The following ARHGAP17 variants were observed in gnomAD, a reference collection of about 807,000 sequenced individuals.
ARHGAP17 encodes rho GTPase-activating protein 17.
Under a neutral mutation model 99.5 loss-of-function variants are expected in ARHGAP17, and 57 were observed. The observed-to-expected ratio is 0.57, with a 90% confidence interval of 0.46 to 0.71. The LOEUF is 0.71. ARHGAP17 is among the 30% of genes least tolerant of loss of function. The pLI is 0.00. For synonymous variants in ARHGAP17, 417 were observed against 429.6 expected, an observed-to-expected ratio of 0.97 and a Z score of 0.36; for missense variants, 1,000 against 1,122.4, an observed-to-expected ratio of 0.89 and a Z score of 1.56.
chr16:24,951,180 C>T (rs1038994390), intron 12 of ARHGAP17, among the ~76,000 whole-genome samples: 4 of 152,204 alleles, frequency 2.6e-5, no homozygotes, highest in African/African-American at 7.2e-5. Flanking sequence ...TGTTCCTAGA[C>T]AGACTGAAGC....
chr16:24,998,157 C>G (rs969125529), intron 1 of ARHGAP17, among the ~76,000 whole-genome samples: 1 of 151,882 alleles, frequency 6.6e-6, no homozygotes. Flanking sequence ...GCAAACTGGG[C>G]CCCGGGCACA....
At chr16:24,946,584 G>C (rs2141211121) in intron 14 of ARHGAP17, among the ~76,000 whole-genome samples, 1 of 151,850 alleles carries the variant, frequency 6.6e-6, no homozygotes, top group Middle Eastern at 3.4e-3. Flanking sequence ...AAAGACACTT[G>C]AAAACCATCA....
intron 9 of ARHGAP17, 184 bp from the exon 10 acceptor site, chr16:24,954,914 G>C (rs953922678): frequency 3.0e-5 from 24 of 812,506 alleles, no homozygotes; most frequent in Middle Eastern, 3.3e-4. Context: ...TATGGACCAG[G>C]CTGGGGCGGT....
intron 17 of ARHGAP17, chr16:24,935,878 C>T: frequency 2.0e-6 from 1 of 505,290 alleles, no homozygotes; most frequent in Non-Finnish European, 3.6e-6. Context: ...TGCTATGTTG[C>T]CCAGGTTGGT....
rs765002357 is a variant in ARHGAP17, at chr16:24,939,410, A to G, written c.1678T>C (p.Ser560Pro). 2 of 1,611,186 alleles carry G rather than the reference A, an allele frequency of 1.2e-6. No homozygotes were observed. Among genetic ancestry groups the G allele is most frequent in the Non-Finnish European group, 1.7e-6 (2 of 1,179,830 alleles). The change falls in exon 17 of 20, where the codon TCT (serine) becomes CCT (proline). Residue 560 changes from serine to proline, a missense_variant. Transcript: ENST00000289968. ...CCCTGCTCCAGTATGCCCGCGGAAGAGGGGACAGTCCCACCCCCAGAGCTG... is the reference window on the plus strand; with the variant it reads ...CCCTGCTCCAGTATGCCCGCGGAAGGGGGGACAGTCCCACCCCCAGAGCTG... ...ESSSGGGTVPSSAGILEQGPS... is the reference protein window; with the variant it reads ...ESSSGGGTVPPSAGILEQGPS...
chr16:24,954,235 A>T (rs528576585), intron 10 of ARHGAP17, among the ~76,000 whole-genome samples: 1 of 152,324 alleles, frequency 6.6e-6, no homozygotes, highest in Non-Finnish European at 1.5e-5. Flanking sequence ...TACTATGCAA[A>T]TGTAAACTAA....
chr16:25,015,170 C>CAGCCCCGGTGCG (rs2053753289), intron 1 of ARHGAP17, 39 bp downstream of exon 1: 2 of 1,259,598 alleles, frequency 1.6e-6, no homozygotes, highest in South Asian at 3.0e-5. Flanking sequence ...CCTCCGCCCC[C>CAGCCCCGGTGCG]AGCCCCGGTG....
intron 1 of ARHGAP17, among the ~76,000 whole-genome samples, chr16:25,005,245 A>T (rs558071511): frequency 6.6e-6 from 1 of 152,328 alleles, no homozygotes; most frequent in South Asian, 2.1e-4. Flanking sequence ...AAACATGCCT[A>T]TTATTTTATT....
At chr16:24,920,775 C>T (rs2050700372) in intron 19 of ARHGAP17, 1 of 153,222 alleles carries the variant, frequency 6.5e-6, no homozygotes, top group Admixed American at 6.5e-5. Context: ...GACATGCAGC[C>T]TCCTCCCCCA....
chr16:25,011,840 C>T (rs891851320), intron 1 of ARHGAP17, among the ~76,000 whole-genome samples: 5 of 152,068 alleles, frequency 3.3e-5, no homozygotes, highest in Non-Finnish European at 2.9e-5. Context: ...CAAAAGAGAC[C>T]TAATCAATAC....
At chr16:24,964,856 C>T (rs2052125634) in intron 6 of ARHGAP17, among the ~76,000 whole-genome samples, 1 of 152,048 alleles carries the variant, frequency 6.6e-6, no homozygotes. Context: ...CGCCTGTAAT[C>T]CCAACACTTT....
Position 24,968,245 on chromosome 16 carries a change from T to C in ARHGAP17, c.461+106A>G. On this transcript the variant is annotated intron_variant, in intron 6 of 19. Coordinates refer to ENST00000289968, the MANE Select transcript of ARHGAP17 (RefSeq NM_001006634.3). ...GGCAGGCTGGCACCCAGTCTGGGGG[T>C]CAAATGCACGAATTGGTGAGCACTT... 2 of 1,318,180 alleles carry C rather than the reference T, an allele frequency of 1.5e-6. 1 individual carries two copies. Among genetic ancestry groups the C allele is most frequent in the South Asian group, 2.5e-5 (2 of 80,568 alleles). The allele number at this position is 1,318,180 out of a possible 1,614,324, so 81.7% of individuals were successfully genotyped here. A position where few individuals can be genotyped will look rare whatever the true frequency, so the allele number is the denominator to read the frequency against.
At chr16:24,932,306 A>G (rs1346115911) in intron 18 of ARHGAP17, among the ~76,000 whole-genome samples, 3 of 152,196 alleles carry the variant, frequency 2.0e-5, no homozygotes, top group Non-Finnish European at 4.4e-5. Flanking sequence ...TATTTTAAAA[A>G]TTAAGTACAT....
intron 17 of ARHGAP17, among the ~76,000 whole-genome samples, chr16:24,938,373 C>A (rs1171418124): frequency 6.6e-6 from 1 of 150,446 alleles, no homozygotes; most frequent in Non-Finnish European, 1.5e-5. Flanking sequence ...AAAAAAAAAA[C>A]CTCAAGTTCA....
intron 19 of ARHGAP17, among the ~76,000 whole-genome samples, chr16:24,926,119 AAAG>A (rs1458647103): frequency 3.9e-4 from 55 of 140,844 alleles, no homozygotes; most frequent in African/African-American, 1.6e-3. Flanking sequence ...GAAAAAAAAA[AAAG>A]AAAAGAAAAG....
At chr16:25,005,361 C>A (rs945264807) in intron 1 of ARHGAP17, among the ~76,000 whole-genome samples, 1 of 152,108 alleles carries the variant, frequency 6.6e-6, no homozygotes, top group Non-Finnish European at 1.5e-5. Context: ...TAAATCTGTA[C>A]CTAGTCATGA....
chr16:24,944,216 A>G (rs1224488107), intron 14 of ARHGAP17, among the ~76,000 whole-genome samples: 2 of 151,162 alleles, frequency 1.3e-5, no homozygotes, highest in African/African-American at 4.9e-5. Flanking sequence ...GGTTGCAGTG[A>G]GCCAAGATCA....
intron 14 of ARHGAP17, among the ~76,000 whole-genome samples, chr16:24,944,703 G>A (rs562706284): frequency 3.9e-5 from 6 of 152,080 alleles, no homozygotes; most frequent in Admixed American, 1.3e-4. Context: ...TGCAAGCTCC[G>A]CCTCCTGGGT....
chr16:24,959,866 C>A (rs781257353), intron 8 of ARHGAP17, 45 bp downstream of exon 8: 53 of 1,603,172 alleles, frequency 3.3e-5, no homozygotes, highest in Non-Finnish European at 4.3e-5. Flanking sequence ...TAAAATGACT[C>A]CATTTTAACA....
Sources: gnomAD v4.1 joint callset for allele counts (sites outside exome capture counted in the v4.1 genomes callset) on GRCh38, gnomAD v4.1.1 for gene constraint, MANE v1.5 for transcripts, NCBI Gene and HGNC (gene_info 2026-07-23, HGNC 2026-07-21) for gene names.